The following POU3F3 variants were observed in gnomAD, a reference collection of about 807,000 sequenced individuals.
POU3F3 encodes POU domain, class 3, transcription factor 3.
Under a neutral mutation model 8.6 loss-of-function variants are expected in POU3F3, and 1 was observed. The observed-to-expected ratio is 0.12, with a 90% confidence interval of 0.04 to 0.55. POU3F3 has a LOEUF of 0.55. Ranked by LOEUF, POU3F3 falls within the 20% of genes least tolerant of loss-of-function variation. The probability of loss-of-function intolerance (pLI) is 0.91; values close to 1 mark genes in which losing one functional copy is unlikely to be tolerated. For missense variants in POU3F3, 577 were observed against 690.7 expected, an observed-to-expected ratio of 0.84 and a Z score of 1.84; for synonymous variants, 418 against 327.4, an observed-to-expected ratio of 1.28 and a Z score of -2.99.
downstream of POU3F3, among the ~76,000 whole-genome samples, chr2:104,859,927 A>G (rs1264601566): frequency 6.6e-6 from 1 of 152,130 alleles, no homozygotes; most frequent in Admixed American, 6.5e-5. Flanking sequence ...GGGGGTGTCT[A>G]GAGAGGCAAG....
upstream of POU3F3, among the ~76,000 whole-genome samples, chr2:104,854,098 C>T (rs1676498290): frequency 6.6e-6 from 1 of 152,016 alleles, no homozygotes; most frequent in African/African-American, 2.4e-5. The surrounding 1 kb of genome is among the most constrained non-coding windows in gnomAD (Gnocchi z 4.5). Flanking sequence ...GGTGCGCGCT[C>T]GCGGCGGAGG....
At chr2:104,906,353 A>T in the POU3F3 span, among the ~76,000 whole-genome samples, 1 of 152,152 alleles carries the variant, frequency 6.6e-6, no homozygotes, top group African/African-American at 2.4e-5. Context: ...TTATTTCTAG[A>T]CTGTCCATTG....
chr2:104,855,792 G>T lies in POU3F3; in HGVS notation c.282G>T (p.Ala94=), dbSNP rs757579144. 31 of 1,293,880 alleles carry T rather than the reference G, an allele frequency of 2.4e-5. No individual in the cohort carries two copies. In the African/African-American group the frequency reaches 3.7e-4, roughly 15 times the overall value. The allele number at this position is 1,293,880 out of a possible 1,614,324, so 80.1% of individuals were successfully genotyped here. ...ASNGGHMLSH[A]HQWVTALPHA... ...ACGGCGGCCATATGCTGAGCCACGC[G>T]CACCAGTGGGTCACAGCCCTGCCCC... Residue 94 remains alanine, a synonymous_variant, in exon 1 of 1, where the codon GCG becomes GCT. Transcript: ENST00000361360.
the POU3F3 span, among the ~76,000 whole-genome samples, chr2:104,887,075 T>C: frequency 1.3e-5 from 2 of 152,200 alleles, no homozygotes; most frequent in African/African-American, 4.8e-5. Flanking sequence ...CTTCCCTTTT[T>C]AGACCATATA....
chr2:104,855,845 C>A lies in POU3F3; in HGVS notation c.335C>A (p.Ala112Asp). 9.1e-7 allele frequency: 1 copy of A among 1,094,876 alleles called. No homozygotes were observed. The highest frequency in any genetic ancestry group is 3.0e-5 in the South Asian group (1 of 33,652). The allele number at this position is 1,094,876 out of a possible 1,614,324, so 67.8% of individuals were successfully genotyped here. The change falls in exon 1 of 1, where the codon GCC becomes GAC. Residue 112 changes from alanine (A) to aspartate (D), a missense_variant. Ala to Asp is a moderately radical substitution (Grantham distance 126, BLOSUM62 -2). Coordinates refer to ENST00000361360, the MANE Select transcript of POU3F3 (RefSeq NM_006236.3). Reference sequence around the variant, plus strand: ...GCCGCCGCCGCCGCCGCCGCTGCCGCCGCCGCCGCCGTGGAGGCGAGCTCG... The same window carrying A: ...GCCGCCGCCGCCGCCGCCGCTGCCGACGCCGCCGCCGTGGAGGCGAGCTCG... Reference protein sequence around the residue: ...PHAAAAAAAAAAAAVEASSPW... With the variant: ...PHAAAAAAAADAAAVEASSPW...
the POU3F3 span, among the ~76,000 whole-genome samples, chr2:104,903,010 C>T: frequency 1.5e-4 from 23 of 152,168 alleles, no homozygotes; most frequent in Admixed American, 1.4e-3. Flanking sequence ...AATGTAATGT[C>T]ATATCGCTGC....
At chr2:104,859,573 T>G (rs1676631922), downstream of POU3F3, among the ~76,000 whole-genome samples, 3 of 152,194 alleles carry the variant, frequency 2.0e-5, no homozygotes, top group South Asian at 6.2e-4. Context: ...CCCTGTGATA[T>G]CAATGCAGGG....
At chr2:104,877,748 T>G in the POU3F3 span, among the ~76,000 whole-genome samples, 1 of 149,432 alleles carries the variant, frequency 6.7e-6, no homozygotes, top group Non-Finnish European at 1.5e-5. Flanking sequence ...AACCTCCGAC[T>G]CCCGATTCCA....
rs939924623 is a variant in POU3F3 at position 104,857,652 on chromosome 2, A to G, written c.*639A>G. The G allele has an allele frequency of 1.3e-5, 2 of 153,652 alleles. No individual in the cohort carries two copies. The highest frequency in any genetic ancestry group is 2.9e-5 in the Non-Finnish European group (2 of 68,038). The allele number at this position is 153,652 out of a possible 1,614,324, so 9.5% of individuals were successfully genotyped here. On this transcript the variant is annotated 3_prime_UTR_variant, in exon 1 of 1. Transcript: ENST00000361360. Reference sequence around the variant, plus strand: ...AGAGAAAACAGAGGCACCAGGTTCCATCAGGGGACGACACCGTGCTCTGGG... The same window carrying G: ...AGAGAAAACAGAGGCACCAGGTTCCGTCAGGGGACGACACCGTGCTCTGGG...
chr2:104,888,939 C>T, the POU3F3 span, among the ~76,000 whole-genome samples: 1 of 152,344 alleles, frequency 6.6e-6, no homozygotes, highest in Admixed American at 6.5e-5. Context: ...TTGTTTCCAG[C>T]TGTCCTACTT....
At chr2:104,927,200 A>G in the POU3F3 span, among the ~76,000 whole-genome samples, 1 of 152,168 alleles carries the variant, frequency 6.6e-6, no homozygotes, top group South Asian at 2.1e-4. Flanking sequence ...CCCACTCATG[A>G]GGGCTCTGCC....
chr2:104,895,529 T>C, the POU3F3 span, among the ~76,000 whole-genome samples: 1 of 152,192 alleles, frequency 6.6e-6, no homozygotes, highest in Non-Finnish European at 1.5e-5. Context: ...TAATATTTCC[T>C]GAAAGTGTCT....
chr2:104,876,828 T>C, the POU3F3 span, among the ~76,000 whole-genome samples: 1 of 152,198 alleles, frequency 6.6e-6, no homozygotes, highest in Non-Finnish European at 1.5e-5. Context: ...TCGACCTCCC[T>C]TCTGCCACCA....
chr2:104,893,538 T>G, the POU3F3 span, among the ~76,000 whole-genome samples: 1 of 152,322 alleles, frequency 6.6e-6, no homozygotes, highest in East Asian at 1.9e-4. Flanking sequence ...GATGCTGCAT[T>G]GTTTTCAGTG....
chr2:104,891,350 A>G, the POU3F3 span, among the ~76,000 whole-genome samples: 3 of 151,980 alleles, frequency 2.0e-5, no homozygotes, highest in Non-Finnish European at 4.4e-5. Flanking sequence ...TTAATATTTT[A>G]GTATATTAAA....
At chr2:104,885,442 G>T in the POU3F3 span, among the ~76,000 whole-genome samples, 1 of 152,216 alleles carries the variant, frequency 6.6e-6, no homozygotes, top group African/African-American at 2.4e-5. Context: ...CAAAGACCTT[G>T]CTCATAAAAT....
chr2:104,871,374 T>C, the POU3F3 span, among the ~76,000 whole-genome samples: 1 of 152,192 alleles, frequency 6.6e-6, no homozygotes, highest in Non-Finnish European at 1.5e-5. Context: ...ACCTCCTATT[T>C]TGGGGAAGGA....
chr2:104,869,328 T>C, the POU3F3 span, among the ~76,000 whole-genome samples: 1 of 152,208 alleles, frequency 6.6e-6, no homozygotes, highest in Admixed American at 6.5e-5. Flanking sequence ...TAGGAGGGGA[T>C]AGGTTTTGTG....
chr2:104,885,586 T>A, the POU3F3 span, among the ~76,000 whole-genome samples: 6 of 152,172 alleles, frequency 3.9e-5, no homozygotes, highest in South Asian at 2.1e-4. Flanking sequence ...ACCAGCACCA[T>A]GACAATTTAC....
Sources: allele counts gnomAD v4.1 joint callset (sites outside exome capture counted in the v4.1 genomes callset), GRCh38; gene constraint gnomAD v4.1.1; non-coding constraint Gnocchi (gnomAD v3.1); transcripts MANE v1.5; gene names NCBI Gene and HGNC (gene_info 2026-07-23, HGNC 2026-07-21).